AGPS: variants seen among roughly 807,000 people sequenced by gnomAD.
AGPS encodes the protein alkylglycerone phosphate synthase, also known as alkyldihydroxyacetonephosphate synthase, peroxisomal.
AGPS carries 26 observed loss-of-function variants against 90.7 expected under a neutral mutation model. That is an observed-to-expected ratio of 0.29 (90% CI 0.21 to 0.40). The LOEUF (loss-of-function observed/expected upper bound fraction) is 0.40, where lower values mean the gene tolerates loss of function less well. Ranked by LOEUF, AGPS falls within the 10% of genes least tolerant of loss-of-function variation. The pLI, the probability that AGPS is intolerant of heterozygous loss-of-function variation, is 1.00. For missense variants in AGPS, 540 were observed against 816.1 expected (o/e 0.66, Z 4.12); for synonymous variants, 294 against 285.3 (o/e 1.03, Z -0.31).
At chr2:177,406,409 A>G (rs1685468364) in intron 1 of AGPS, among the ~76,000 whole-genome samples, 1 of 152,230 alleles carries the variant, frequency 6.6e-6, no homozygotes, top group Non-Finnish European at 1.5e-5. Context: ...CAGAAGAAAG[A>G]GCCATAAATT....
chr2:177,456,210 A>G (rs1687105213), intron 8 of AGPS, among the ~76,000 whole-genome samples: 1 of 152,178 alleles, frequency 6.6e-6, no homozygotes. Flanking sequence ...TGAATATTTG[A>G]TTAATTGTAT....
chr2:177,473,146 A>G (rs1326234262), intron 10 of AGPS, among the ~76,000 whole-genome samples: 1 of 152,064 alleles, frequency 6.6e-6, no homozygotes, highest in Non-Finnish European at 1.5e-5. Context: ...TTTTCTTTTT[A>G]TCTCTACTTA....
At chr2:177,477,277 T>C (rs1020169602) in intron 10 of AGPS, among the ~76,000 whole-genome samples, 1 of 152,166 alleles carries the variant, frequency 6.6e-6, no homozygotes, top group Non-Finnish European at 1.5e-5. Flanking sequence ...AGCATTTTAA[T>C]TGCCTTAGTG....
chr2:177,499,772 G>T (rs772768788), intron 14 of AGPS, 42 bp downstream of exon 14: 2 of 1,300,848 alleles, frequency 1.5e-6, no homozygotes, highest in East Asian at 2.3e-5. Flanking sequence ...AGAGTTAAAA[G>T]CTAAGATTCT....
At chr2:177,434,997 G>GGGTGTATATATATATATATATA (rs36151985) in intron 3 of AGPS, among the ~76,000 whole-genome samples, 12 of 128,126 alleles carry the variant, frequency 9.4e-5, no homozygotes, top group African/African-American at 3.7e-4. Context: ...TAAACTGTAG[G>GGGTGTATATATATATATATATA]TATATATATA....
intron 2 of AGPS, among the ~76,000 whole-genome samples, chr2:177,426,030 A>T (rs866396546): frequency 6.6e-6 from 1 of 152,152 alleles, no homozygotes; most frequent in African/African-American, 2.4e-5. Flanking sequence ...ATGAGCATAG[A>T]ATGTTTTTCC....
intron 1 of AGPS, among the ~76,000 whole-genome samples, chr2:177,394,382 A>G (rs1685109535): frequency 6.6e-6 from 1 of 152,218 alleles, no homozygotes; most frequent in Non-Finnish European, 1.5e-5. Context: ...CATTACTAAT[A>G]GTTTGCCAAA....
At chr2:177,457,984 A>G (rs2105660435) in intron 8 of AGPS, among the ~76,000 whole-genome samples, 1 of 152,348 alleles carries the variant, frequency 6.6e-6, no homozygotes, top group African/African-American at 2.4e-5. Context: ...CAAAAAGCTT[A>G]TCCACCACAA....
At chr2:177,457,239 A>G (rs761635191) in intron 8 of AGPS, among the ~76,000 whole-genome samples, 3 of 152,220 alleles carry the variant, frequency 2.0e-5, no homozygotes, top group African/African-American at 4.8e-5. Flanking sequence ...AAGAGAAAGC[A>G]GTGAGGATCT....
chr2:177,414,568 G>A (rs980567660), intron 1 of AGPS, among the ~76,000 whole-genome samples: 2 of 152,118 alleles, frequency 1.3e-5, no homozygotes, highest in Non-Finnish European at 2.9e-5. Flanking sequence ...GTAGTTAAAT[G>A]TATATTTGGT....
At chr2:177,432,380 T>A (rs1686269074) in intron 2 of AGPS, among the ~76,000 whole-genome samples, 1 of 152,262 alleles carries the variant, frequency 6.6e-6, no homozygotes, top group South Asian at 2.1e-4. Flanking sequence ...ACAATTGGTA[T>A]AAGTGCTTAA....
intron 11 of AGPS, among the ~76,000 whole-genome samples, chr2:177,490,846 CTTTTTTTTTTTT>C (rs61555724): frequency 6.9e-5 from 4 of 58,200 alleles, no homozygotes; most frequent in Non-Finnish European, 9.2e-5. Context: ...AAGTTGCAGA[CTTTTTTTTTTTT>C]TTTTTTTTTT....
chr2:177,429,701 G>A (rs1466720190), intron 2 of AGPS, among the ~76,000 whole-genome samples: 1 of 152,174 alleles, frequency 6.6e-6, no homozygotes, highest in Non-Finnish European at 1.5e-5. Flanking sequence ...TGGGAGCTCC[G>A]TCCCAGGGTG....
chr2:177,489,687 A>G (rs1408864693), intron 11 of AGPS, among the ~76,000 whole-genome samples: 2 of 152,220 alleles, frequency 1.3e-5, no homozygotes, highest in African/African-American at 4.8e-5. Context: ...ACTATTAAGT[A>G]TAAAATATAG....
At chr2:177,502,130 C>T (rs1268729834) in intron 14 of AGPS, among the ~76,000 whole-genome samples, 1 of 152,172 alleles carries the variant, frequency 6.6e-6, no homozygotes, top group Non-Finnish European at 1.5e-5. Context: ...GTACTTCTAG[C>T]AGTTTTGCTT....
rs1005612241 is a variant in AGPS at position 177,494,261 on chromosome 2, C to G, written c.1285+1062C>G. Among the ~76,000 whole-genome samples the G allele has an allele frequency of 1.7e-4, 26 of 152,212 alleles. No individual in the cohort carries two copies. In the East Asian group the frequency reaches 4.8e-3, roughly 28 times the overall value. ...AGTTACATAGAAACTTAACTAAAGT[C>G]AGGTTCGTAACATATTAAGAGTTTT... is the stretch of plus-strand genomic sequence containing the variant. On this transcript the variant is annotated intron_variant, in intron 12 of 19. Transcript: ENST00000264167.
At chr2:177,447,532 G>A (rs1328388769) in intron 8 of AGPS, among the ~76,000 whole-genome samples, 1 of 151,418 alleles carries the variant, frequency 6.6e-6, no homozygotes, top group Non-Finnish European at 1.5e-5. Flanking sequence ...ACAAAGAATG[G>A]CCTTTTATGT....
In AGPS at chr2:177,392,884, A is replaced by ACCCGGG. The variant is rs775118862; in HGVS notation, c.97_98insCGGGCC (p.Asp32_Arg33insProGly). The ACCCGGG allele has an allele frequency of 4.0e-5, 62 of 1,550,500 alleles. No individual in the cohort carries two copies. The African/African-American group carries it at 7.4e-4, about 19-fold the overall frequency. The stretch of plus-strand genomic sequence containing the variant: ...GACCGGGACCGGGACCCGGACCCGG[A>ACCCGGG]CCGCGCCGGGCGGAGGCTGCGGGTT... On this transcript the variant is annotated inframe_insertion, in exon 1 of 20. Transcript: ENST00000264167.
At chr2:177,458,539 CAG>C (rs1337921122) in intron 8 of AGPS, among the ~76,000 whole-genome samples, 1 of 152,074 alleles carries the variant, frequency 6.6e-6, no homozygotes, top group Admixed American at 6.6e-5. Flanking sequence ...ACACCAATAA[CAG>C]AGAGCCAAAT....
Sources: allele counts gnomAD v4.1 joint callset (sites outside exome capture counted in the v4.1 genomes callset), GRCh38; gene constraint gnomAD v4.1.1; transcripts MANE v1.5; gene names NCBI Gene and HGNC (gene_info 2026-07-23, HGNC 2026-07-21).